The following EPS15L1 variants were observed in gnomAD, a reference collection of about 807,000 sequenced individuals.
The protein encoded by EPS15L1 is epidermal growth factor receptor substrate 15-like 1.
EPS15L1 carries 43 observed loss-of-function variants against 117.1 expected under a neutral mutation model. That is an observed-to-expected ratio of 0.37 (90% confidence interval 0.29 to 0.47). The LOEUF (loss-of-function observed/expected upper bound fraction) is 0.47. Among genes scored for constraint, EPS15L1 ranks in the 20% least tolerant of loss-of-function variants. The pLI is 0.99. For synonymous variants in EPS15L1, 459 were observed against 470.5 expected, an observed-to-expected ratio of 0.98 and a Z score of 0.32; for missense variants, 981 against 1,164.0, an observed-to-expected ratio of 0.84 and a Z score of 2.29.
intron 13 of EPS15L1, among the ~76,000 whole-genome samples, chr19:16,409,217 C>A (rs777605350): frequency 6.6e-6 from 1 of 151,890 alleles, no homozygotes; most frequent in Non-Finnish European, 1.5e-5. Context: ...GGCAACAGAG[C>A]GAGACTGTCT....
At position 16,370,370 on chromosome 19, in the gene EPS15L1, G is replaced by A. The variant is rs552601563; in HGVS notation, c.2380+6752C>T. Among the ~76,000 whole-genome samples, 9 of 152,218 alleles carry A rather than the reference G, an allele frequency of 5.9e-5. No individual in the cohort carries two copies. The highest frequency in any genetic ancestry group is 1.9e-4 in the East Asian group (1 of 5,176). ...TGCACCCAGAGCCCCCTTCTGAGGC[G>A]TCTGCCCCAGCCCTCACCTCCCTCA... On this transcript the variant is annotated intron_variant, in intron 22 of 23. Coordinates refer to ENST00000455140, the MANE Select transcript of EPS15L1 (RefSeq NM_001258374.3). This position sits in a 1 kb window ranked among gnomAD's most constrained non-coding sequence, Gnocchi z 5.2.
chr19:16,459,754 G>A (rs747135758), intron 1 of EPS15L1, among the ~76,000 whole-genome samples: 4 of 152,196 alleles, frequency 2.6e-5, no homozygotes, highest in Non-Finnish European at 5.9e-5. Flanking sequence ...TGAGACAGGG[G>A]AGCAGGCCGT....
Position 16,421,389 on chromosome 19 carries a change from C to T in EPS15L1, c.880G>A (p.Val294Met), listed in dbSNP as rs370122755. 4.3e-6 allele frequency: 7 copies of T among 1,614,112 alleles called. No homozygotes were observed. Among genetic ancestry groups the T allele is most frequent in the Non-Finnish European group, 5.9e-6 (7 of 1,179,976 alleles). The change falls in exon 10 of 24, where the codon GTG (valine) becomes ATG (methionine). Residue 294 changes from valine to methionine, a missense_variant. This residue lies in a region of EPS15L1 where 819 missense variants were observed against 949.0 expected (regional missense o/e 0.86). Transcript: ENST00000455140. ...LKTDLDLDGY[V>M]SGQEVKEIFM... ...ATCTCCTTCACCTCCTGGCCACTCA[C>T]GTAGCCATCCAGGTCCAGGTCGGTC...
rs953626602 is a variant in EPS15L1, at chr19:16,405,662, T to C, written c.1267-913A>G. The stretch of plus-strand genomic sequence containing the variant: ...TGGAACGGGATGGCGCCGTGTGCTT[T>C]GCCTTACAGTGGGACATGAGCACAC... On this transcript the variant is annotated intron_variant, in intron 13 of 23. Transcript: ENST00000455140. The surrounding 1 kb of genome is among the most constrained non-coding windows in gnomAD (Gnocchi z 4.0). 6.6e-6 allele frequency among the ~76,000 whole-genome samples: 1 copy of C among 152,182 alleles called. No individual in the cohort carries two copies. Among genetic ancestry groups the C allele is most frequent in the African/African-American group, 2.4e-5 (1 of 41,440 alleles).
chr19:16,454,381 T>C (rs1355998395), intron 1 of EPS15L1, among the ~76,000 whole-genome samples: 2 of 152,184 alleles, frequency 1.3e-5, no homozygotes, highest in African/African-American at 4.8e-5. Flanking sequence ...TACTGGAACC[T>C]GGCGGGACAG....
rs1478195952 is a variant in EPS15L1 at position 16,421,405 on chromosome 19, C to T, written c.864G>A (p.Leu288=). The change falls in exon 10 of 24, where the codon CTG becomes CTA. Residue 288 remains leucine (L), a synonymous_variant. Transcript: ENST00000455140. ...GGCCACTCACGTAGCCATCCAGGTC[C>T]AGGTCGGTCTTCAGGAATATCTCAT... ...RFDEIFLKTD[L]DLDGYVSGQE... The T allele has an allele frequency of 1.2e-6, 2 of 1,614,054 alleles. No homozygotes were observed. Among genetic ancestry groups the T allele is most frequent in the East Asian group, 2.2e-5 (1 of 44,896 alleles).
At chr19:16,391,715 G>C (rs958780295) in intron 19 of EPS15L1, among the ~76,000 whole-genome samples, 1 of 150,084 alleles carries the variant, frequency 6.7e-6, no homozygotes, top group Non-Finnish European at 1.5e-5. Context: ...TGTCTGCCAC[G>C]CCCGGGGATG....
At chr19:16,423,508 A>G (rs2092837610) in intron 9 of EPS15L1, among the ~76,000 whole-genome samples, 1 of 151,908 alleles carries the variant, frequency 6.6e-6, no homozygotes. Flanking sequence ...AGGTTGAGAT[A>G]GCAATGAGCC....
At chr19:16,431,406 C>T (rs1481165584) in intron 7 of EPS15L1, among the ~76,000 whole-genome samples, 6 of 151,176 alleles carry the variant, frequency 4.0e-5, no homozygotes, top group African/African-American at 1.5e-4. Context: ...CAGATTCAAG[C>T]GATTCTCCTG....
At chr19:16,389,521 T>C (rs1412814411) in intron 19 of EPS15L1, among the ~76,000 whole-genome samples, 4 of 152,160 alleles carry the variant, frequency 2.6e-5, no homozygotes, top group Admixed American at 2.0e-4. Context: ...GAAAGTTCTT[T>C]AGGCTGAAGG....
intron 22 of EPS15L1, among the ~76,000 whole-genome samples, chr19:16,363,208 C>A (rs968427613): frequency 6.6e-6 from 1 of 152,196 alleles, no homozygotes; most frequent in African/African-American, 2.4e-5. Flanking sequence ...GGGCATTCAA[C>A]GTGGTCCACG....
chr19:16,368,400 G>A (rs2092169828), intron 22 of EPS15L1, among the ~76,000 whole-genome samples: 1 of 151,988 alleles, frequency 6.6e-6, no homozygotes, highest in Non-Finnish European at 1.5e-5. Context: ...CATTCATCCT[G>A]CACAATATGG....
chr19:16,408,657 CAA>C (rs771355456), intron 13 of EPS15L1, among the ~76,000 whole-genome samples: 6 of 106,876 alleles, frequency 5.6e-5, no homozygotes, highest in Admixed American at 9.9e-5. Context: ...GACTCCGTCT[CAA>C]AAAAAAAAAA....
At chr19:16,375,005 A>T (rs1355787235) in intron 22 of EPS15L1, among the ~76,000 whole-genome samples, 4 of 152,262 alleles carry the variant, frequency 2.6e-5, no homozygotes, top group Admixed American at 2.0e-4. Context: ...GAGGGTGTGC[A>T]TGCCCAGCTG....
chr19:16,357,144 C>T (rs2091991291), intron 23 of EPS15L1: 1 of 152,444 alleles, frequency 6.6e-6, no homozygotes, highest in South Asian at 2.1e-4. Flanking sequence ...CACAGGAACA[C>T]TCACGGCCTC....
At position 16,402,429 on chromosome 19, in the gene EPS15L1, C is replaced by G; in HGVS notation, c.1683G>C (p.Leu561=). The stretch of plus-strand genomic sequence containing the variant: ...CATCGAGCACCTGGTCATACTGCTC[C>G]AGGCTCCTGTGGGCCTCCTGGCGGC... ...HESRQEAHRS[L]EQYDQVLDGA... Residue 561 remains leucine (L), a synonymous_variant, in exon 16 of 24, where the codon CTG becomes CTC. Transcript: ENST00000455140. 6.2e-7 allele frequency: 1 copy of G among 1,613,802 alleles called. No individual in the cohort carries two copies. Among genetic ancestry groups the G allele is most frequent in the African/African-American group, 1.3e-5 (1 of 75,054 alleles).
intron 17 of EPS15L1, among the ~76,000 whole-genome samples, chr19:16,394,742 C>T (rs181068664): frequency 2.6e-5 from 4 of 152,236 alleles, no homozygotes; most frequent in African/African-American, 7.2e-5. Flanking sequence ...ATTTTATCAA[C>T]CCTGTGAGGT....
intron 1 of EPS15L1, among the ~76,000 whole-genome samples, chr19:16,442,986 G>A (rs1357996435): frequency 3.3e-5 from 5 of 152,204 alleles, no homozygotes; most frequent in African/African-American, 9.7e-5. Flanking sequence ...TCTGCCAGAC[G>A]TCTCCCAGGG....
chr19:16,464,119 C>T (rs1479340142), intron 1 of EPS15L1, among the ~76,000 whole-genome samples: 1 of 152,226 alleles, frequency 6.6e-6, no homozygotes, highest in Admixed American at 6.5e-5. Flanking sequence ...TCAGCCTGAC[C>T]TGCAGGCAGT....
Sources: gnomAD v4.1 joint callset for allele counts (sites outside exome capture counted in the v4.1 genomes callset) on GRCh38, gnomAD v4.1.1 for gene constraint, gnomAD v4.1.1 regional missense constraint, Gnocchi (gnomAD v3.1) non-coding constraint, MANE v1.5 for transcripts, NCBI Gene and HGNC (gene_info 2026-07-23, HGNC 2026-07-21) for gene names.